CSMD2: variants seen among roughly 807,000 people sequenced by gnomAD.
CSMD2 encodes CUB and Sushi multiple domains 2, also known as CUB and sushi domain-containing protein 2.
A neutral mutation model predicts 398.5 loss-of-function variants in CSMD2; 130 were observed. The observed-to-expected ratio is 0.33, with a 90% CI of 0.28 to 0.38. CSMD2 has a LOEUF of 0.38. Ranked by LOEUF, CSMD2 falls within the 10% of genes least tolerant of loss-of-function variation. The pLI, the probability that CSMD2 is intolerant of heterozygous loss-of-function variation, is 1.00. For missense variants in CSMD2, 3,829 were observed against 4,764.9 expected (o/e 0.80, Z 5.78); for synonymous variants, 1,828 against 1,908.5 (o/e 0.96, Z 1.10).
At chr1:33,760,212 ATTCCAGG>A (rs758977840) in intron 13 of CSMD2, among the ~76,000 whole-genome samples, 15 of 152,208 alleles carry the variant, frequency 9.9e-5, no homozygotes, top group Non-Finnish European at 1.2e-4. Context: ...CCACCAAACC[ATTCCAGG>A]TGCTTACCCC....
At chr1:34,155,364 A>G (rs1399491212) in intron 1 of CSMD2, among the ~76,000 whole-genome samples, 1 of 152,174 alleles carries the variant, frequency 6.6e-6, no homozygotes, top group Non-Finnish European at 1.5e-5. Context: ...TCTCGAATGC[A>G]GGGAATTTTC....
chr1:33,526,471 T>C (rs946755429), intron 65 of CSMD2, among the ~76,000 whole-genome samples: 1 of 152,266 alleles, frequency 6.6e-6, no homozygotes, highest in Non-Finnish European at 1.5e-5. Flanking sequence ...ACTAATGTTG[T>C]AAATTGTATG....
intron 4 of CSMD2, among the ~76,000 whole-genome samples, chr1:33,918,664 TA>T (rs1366563821): frequency 6.6e-6 from 1 of 152,056 alleles, no homozygotes; most frequent in Non-Finnish European, 1.5e-5. Context: ...AGATGAATAA[TA>T]TAAGATAGTA....
intron 26 of CSMD2, among the ~76,000 whole-genome samples, chr1:33,660,663 G>C (rs1161272481): frequency 2.0e-5 from 3 of 152,186 alleles, no homozygotes; most frequent in Non-Finnish European, 4.4e-5. Context: ...GACCTTTCTG[G>C]AGCCCAGGCT....
chr1:33,515,360 T>C lies in CSMD2; in HGVS notation c.*1264A>G, dbSNP rs1653672424. 6.6e-6 allele frequency: 1 copy of C among 152,256 alleles called. No individual in the cohort carries two copies. The highest frequency in any genetic ancestry group is 2.4e-5 in the African/African-American group (1 of 41,456). 9.4% of individuals were successfully genotyped at this position (152,256 alleles called of 1,614,324 possible). ...CTACGCGGAGACAGCAGAACCCAGA[T>C]AGGACACACAGGTGTCTTGCCTGGC... is the stretch of plus-strand genomic sequence containing the variant. On this transcript the variant is annotated 3_prime_UTR_variant, in exon 71 of 71. Coordinates refer to ENST00000373381, the MANE Select transcript of CSMD2 (RefSeq NM_001281956.2).
chr1:33,824,601 C>G (rs1215700203), intron 7 of CSMD2, among the ~76,000 whole-genome samples: 1 of 152,108 alleles, frequency 6.6e-6, no homozygotes, highest in East Asian at 1.9e-4. Flanking sequence ...CGGTGCCACT[C>G]TATGCCCTTC....
chr1:33,636,327 C>T lies in CSMD2; in HGVS notation c.4969+33G>A, dbSNP rs201343795. 2.2e-5 allele frequency: 34 copies of T among 1,550,394 alleles called. No homozygotes were observed. In the Admixed American group the frequency reaches 3.1e-4, roughly 14 times the overall value. On this transcript the variant is annotated intron_variant, in intron 30 of 70. Coordinates refer to ENST00000373381, the MANE Select transcript of CSMD2 (RefSeq NM_001281956.2). This position sits in a 1 kb window ranked among gnomAD's most constrained non-coding sequence, Gnocchi z 4.8. Reference sequence around the variant, plus strand: ...TCTGCCCCTGGCATGCCCTCAGTTCCTCAGACCCCTGCCATCCCCAGGCTT... The same window carrying T: ...TCTGCCCCTGGCATGCCCTCAGTTCTTCAGACCCCTGCCATCCCCAGGCTT...
intron 49 of CSMD2, among the ~76,000 whole-genome samples, chr1:33,573,266 T>C (rs1449701366): frequency 1.3e-5 from 2 of 152,140 alleles, no homozygotes; most frequent in African/African-American, 2.4e-5. Context: ...CCACATCTCA[T>C]AGCTGGAAAA....
chr1:33,701,867 A>G (rs374165337), intron 22 of CSMD2, among the ~76,000 whole-genome samples: 140 of 152,368 alleles, frequency 9.2e-4, no homozygotes, highest in African/African-American at 3.1e-3. Context: ...TCATCAATGG[A>G]CTAGGAATCA....
At chr1:34,066,325 AC>A (rs111445204) in intron 2 of CSMD2, among the ~76,000 whole-genome samples, 2,526 of 152,010 alleles carry the variant, frequency 0.017, 96 homozygotes, top group African/African-American at 0.058. Context: ...GATTCATCCC[AC>A]CCTACTCGTT....
intron 5 of CSMD2, among the ~76,000 whole-genome samples, chr1:33,853,503 T>G (rs1638857471): frequency 6.6e-6 from 1 of 152,256 alleles, no homozygotes; most frequent in Admixed American, 6.5e-5. Flanking sequence ...CACACTCATA[T>G]TTCATCAGTT....
rs1655412240 is a variant in CSMD2 at position 33,533,152 on chromosome 1, G to A, written c.10069C>T (p.Leu3357Phe). 6.2e-7 allele frequency: 1 copy of A among 1,614,114 alleles called. No individual in the cohort carries two copies. The highest frequency in any genetic ancestry group is 8.5e-7 in the Non-Finnish European group (1 of 1,180,022). ...ALDLPSMGYT[L>F]IYSCQEGFSL... ...AAGCCCTCCTGGCAGGAGTAGATGA[G>A]CGTGTAGCCCATGGAGGGCAAATCC... The change falls in exon 64 of 71, where the codon CTC (leucine) becomes TTC (phenylalanine). Residue 3357 changes from leucine to phenylalanine, a missense_variant. Coordinates refer to ENST00000373381, the MANE Select transcript of CSMD2 (RefSeq NM_001281956.2). This position sits in a 1 kb window ranked among gnomAD's most constrained non-coding sequence, Gnocchi z 4.2.
intron 22 of CSMD2, among the ~76,000 whole-genome samples, chr1:33,701,771 T>C (rs958620379): frequency 1.3e-5 from 2 of 152,208 alleles, no homozygotes; most frequent in Non-Finnish European, 2.9e-5. Context: ...ATCAAGATAA[T>C]ACAAGTTCAA....
At chr1:33,815,043 A>G (rs1344927856) in intron 9 of CSMD2, among the ~76,000 whole-genome samples, 1 of 151,994 alleles carries the variant, frequency 6.6e-6, no homozygotes, top group African/African-American at 2.4e-5. Flanking sequence ...TTCCATCTCT[A>G]ATCCTGGGGG....
chr1:33,684,791 G>A (rs1176487613), intron 25 of CSMD2, among the ~76,000 whole-genome samples: 1 of 152,202 alleles, frequency 6.6e-6, no homozygotes, highest in Non-Finnish European at 1.5e-5. Flanking sequence ...CTTCCTCCCT[G>A]TAGTCCACCC....
chr1:33,545,774 T>C (rs974882193), intron 57 of CSMD2, among the ~76,000 whole-genome samples: 13 of 152,200 alleles, frequency 8.5e-5, no homozygotes, highest in African/African-American at 3.1e-4. Flanking sequence ...AATGAAACTA[T>C]ATGGGAAATG....
intron 1 of CSMD2, among the ~76,000 whole-genome samples, chr1:34,152,844 C>G (rs1422154847): frequency 6.6e-6 from 1 of 152,166 alleles, no homozygotes; most frequent in Non-Finnish European, 1.5e-5. Context: ...CTCCATCTTG[C>G]AAAACTGAAA....
chr1:33,912,972 C>T lies in CSMD2; in HGVS notation c.920+5122G>A, dbSNP rs529936857. Among the ~76,000 whole-genome samples the T allele has an allele frequency of 1.9e-3, 286 of 152,220 alleles. 2 individuals carry two copies. Among genetic ancestry groups the T allele is most frequent in the Middle Eastern group, 6.8e-3 (2 of 294 alleles). On this transcript the variant is annotated intron_variant, in intron 5 of 70. Coordinates refer to ENST00000373381, the MANE Select transcript of CSMD2 (RefSeq NM_001281956.2). ...CGACTACAGGTGTGTGCCACCACATCCGTCTAATTTTTGTATTTTTTGTAG... is the reference window on the plus strand; with the variant it reads ...CGACTACAGGTGTGTGCCACCACATTCGTCTAATTTTTGTATTTTTTGTAG...
chr1:33,648,191 T>C (rs1643562388), intron 28 of CSMD2, among the ~76,000 whole-genome samples: 1 of 151,842 alleles, frequency 6.6e-6, no homozygotes, highest in Non-Finnish European at 1.5e-5. Flanking sequence ...TGAAACCCCG[T>C]CTCTACTAAA....
Sources: allele counts gnomAD v4.1 joint callset (sites outside exome capture counted in the v4.1 genomes callset), GRCh38; gene constraint gnomAD v4.1.1; non-coding constraint Gnocchi (gnomAD v3.1); transcripts MANE v1.5; gene names NCBI Gene and HGNC (gene_info 2026-07-23, HGNC 2026-07-21).